Variants in CPE observed in about 807,000 individuals in gnomAD.
The protein encoded by CPE is carbocypeptidase E.
CPE carries 17 observed loss-of-function variants against 53.5 expected under a neutral mutation model. The ratio of observed to expected loss-of-function variants is 0.32; its 90% CI spans 0.22 to 0.48. The LOEUF (loss-of-function observed/expected upper bound fraction) is 0.48, where lower values mean the gene tolerates loss of function less well. Ranked by LOEUF, CPE falls within the 20% of genes least tolerant of loss-of-function variation. CPE has a pLI of 0.99. For synonymous variants in CPE, 226 were observed against 228.8 expected, an observed-to-expected ratio of 0.99 and a Z score of 0.11; for missense variants, 524 against 614.7, an observed-to-expected ratio of 0.85 and a Z score of 1.56.
chr4:165,396,072 A>G (rs116661800), intron 1 of CPE, among the ~76,000 whole-genome samples: 2,511 of 152,258 alleles, frequency 0.016, 60 homozygotes, highest in African/African-American at 0.056. Flanking sequence ...GAAAAAAGGT[A>G]TGTGTGTGTT....
intron 1 of CPE, among the ~76,000 whole-genome samples, chr4:165,463,200 A>G (rs1419368331): frequency 2.6e-5 from 4 of 152,184 alleles, no homozygotes; most frequent in Non-Finnish European, 4.4e-5. Flanking sequence ...TTATACCATA[A>G]GGATAATAAA....
At chr4:165,380,864 A>C (rs2126649275) in intron 1 of CPE, among the ~76,000 whole-genome samples, 1 of 152,356 alleles carries the variant, frequency 6.6e-6, no homozygotes, top group South Asian at 2.1e-4. Flanking sequence ...ACTCTTATCT[A>C]CCAGGATTCA....
intron 3 of CPE, among the ~76,000 whole-genome samples, chr4:165,472,789 TA>T (rs1425609473): frequency 6.6e-6 from 1 of 152,234 alleles, no homozygotes; most frequent in Non-Finnish European, 1.5e-5. Context: ...TATGCCTTTT[TA>T]TATAATCTTT....
At chr4:165,392,536 A>T (rs926212708) in intron 1 of CPE, among the ~76,000 whole-genome samples, 1 of 145,658 alleles carries the variant, frequency 6.9e-6, no homozygotes, top group Non-Finnish European at 1.5e-5. Flanking sequence ...TATTATATTA[A>T]ATATATATTT....
At chr4:165,488,802 A>T (rs1056734985) in intron 6 of CPE, among the ~76,000 whole-genome samples, 9 of 152,088 alleles carry the variant, frequency 5.9e-5, no homozygotes, top group African/African-American at 2.2e-4. Context: ...GCTCTGTTGC[A>T]GTGGTCCCTA....
At chr4:165,411,657 T>C (rs935914618) in intron 1 of CPE, among the ~76,000 whole-genome samples, 3 of 151,560 alleles carry the variant, frequency 2.0e-5, no homozygotes, top group Non-Finnish European at 4.4e-5. Context: ...CTTGAGGGGG[T>C]TTTCTCATGG....
rs558884076 is a variant in CPE at position 165,423,832 on chromosome 4, C to T, written c.308-40558C>T. On this transcript the variant is annotated intron_variant, in intron 1 of 8. Transcript: ENST00000402744. Reference sequence around the variant, plus strand: ...CAACAGTCCTCAGAGTGTGATGTTCCCCTTCCTGTGTCCATATGTTCTCAT... The same window carrying T: ...CAACAGTCCTCAGAGTGTGATGTTCTCCTTCCTGTGTCCATATGTTCTCAT... Among the ~76,000 whole-genome samples, 476 of 141,654 alleles carry T rather than the reference C, an allele frequency of 3.4e-3. 1 individual carries two copies. The highest frequency in any genetic ancestry group is 0.011 in the African/African-American group (438 of 38,302). 92.9% of individuals were successfully genotyped at this position (141,654 alleles called of 152,430 possible). A position where few individuals can be genotyped will look rare whatever the true frequency, so the allele number is the denominator to read the frequency against.
At chr4:165,390,253 T>G (rs1325572938) in intron 1 of CPE, among the ~76,000 whole-genome samples, 2 of 152,202 alleles carry the variant, frequency 1.3e-5, no homozygotes, top group Non-Finnish European at 2.9e-5. Flanking sequence ...CACCCTAGGC[T>G]GGTCGTGTTT....
In CPE at chr4:165,386,160, G is replaced by C. The variant is rs556244597; in HGVS notation, c.307+6632G>C. The C allele has an allele frequency of 1.9e-5, 9 of 478,778 alleles. No individual in the cohort carries two copies. The East Asian group carries it at 4.9e-4, about 26-fold the overall frequency. 29.7% of individuals were successfully genotyped at this position (478,778 alleles called of 1,614,324 possible). On this transcript the variant is annotated intron_variant, in intron 1 of 8. Transcript: ENST00000402744. The stretch of plus-strand genomic sequence containing the variant: ...TGACAATAATGTGATGATTAAATGA[G>C]GTGGTAAATATAAAGTTCTTAATTC...
intron 1 of CPE, among the ~76,000 whole-genome samples, chr4:165,396,128 A>T (rs1170862597): frequency 1.3e-5 from 2 of 152,212 alleles, no homozygotes; most frequent in Non-Finnish European, 2.9e-5. Flanking sequence ...TACTTTTTAG[A>T]TAACCAGATT....
intron 1 of CPE, chr4:165,405,175 C>A (rs1730932403): frequency 1.3e-6 from 1 of 775,730 alleles, no homozygotes; most frequent in Admixed American, 1.7e-5. Context: ...CTCAGCCTAA[C>A]CCAGTGAGTG....
In CPE at chr4:165,493,583, G is replaced by A. The variant is rs1732648165; in HGVS notation, c.1213+313G>A. Among the ~76,000 whole-genome samples the A allele has an allele frequency of 2.6e-5, 4 of 152,194 alleles. No individual in the cohort carries two copies. In the East Asian group the frequency reaches 7.7e-4, roughly 29 times the overall value. On this transcript the variant is annotated intron_variant, in intron 7 of 8. Coordinates refer to ENST00000402744, the MANE Select transcript of CPE (RefSeq NM_001873.4). ...CGGTTCTTCAGGCAAAGGAAAAGGA[G>A]CTGCTGGAGTTAAAATACCAGTGAC...
At chr4:165,465,956 A>C (rs968214290) in intron 2 of CPE, among the ~76,000 whole-genome samples, 2 of 152,218 alleles carry the variant, frequency 1.3e-5, no homozygotes, top group African/African-American at 4.8e-5. Flanking sequence ...ATATATTGTG[A>C]AATTTGATAA....
intron 1 of CPE, among the ~76,000 whole-genome samples, chr4:165,421,654 A>G (rs911502522): frequency 4.3e-5 from 6 of 138,210 alleles, no homozygotes; most frequent in Admixed American, 1.4e-4. Context: ...AGTTGTAGTT[A>G]TAGAATTCTT....
intron 1 of CPE, among the ~76,000 whole-genome samples, chr4:165,427,129 T>G (rs1480198156): frequency 1.3e-5 from 2 of 152,218 alleles, no homozygotes; most frequent in African/African-American, 4.8e-5. Context: ...TGTGGGCATA[T>G]CTGGGAAGTC....
intron 3 of CPE, among the ~76,000 whole-genome samples, chr4:165,475,311 A>G (rs59274680): frequency 0.15 from 22,133 of 152,204 alleles, 1,949 homozygotes; most frequent in East Asian, 0.23. Flanking sequence ...AAAGTATACA[A>G]TAAATCATAA....
At chr4:165,452,939 G>A (rs550406893) in intron 1 of CPE, among the ~76,000 whole-genome samples, 2 of 152,258 alleles carry the variant, frequency 1.3e-5, no homozygotes, top group East Asian at 1.9e-4. Flanking sequence ...CTCCACAAAT[G>A]ATTCTGACCC....
At chr4:165,496,715 A>G (rs1688272658) in intron 8 of CPE, among the ~76,000 whole-genome samples, 1 of 152,166 alleles carries the variant, frequency 6.6e-6, no homozygotes, top group Non-Finnish European at 1.5e-5. Flanking sequence ...TCCCATTCAC[A>G]AAGAGAGTGG....
intron 1 of CPE, among the ~76,000 whole-genome samples, chr4:165,441,434 A>G (rs1388713975): frequency 6.6e-6 from 1 of 152,032 alleles, no homozygotes. Context: ...TTGAATTTCC[A>G]TCACGGCCTG....
Sources: allele counts gnomAD v4.1 joint callset (sites outside exome capture counted in the v4.1 genomes callset), GRCh38; gene constraint gnomAD v4.1.1; transcripts MANE v1.5; gene names NCBI Gene and HGNC (gene_info 2026-07-23, HGNC 2026-07-21).